Variants in SLX4IP observed in about 807,000 individuals in gnomAD.
SLX4IP encodes protein SLX4IP.
Under a neutral mutation model 32.9 loss-of-function variants are expected in SLX4IP, and 34 were observed. The ratio of observed to expected loss-of-function variants is 1.03; its 90% confidence interval spans 0.79 to 1.38. The LOEUF (loss-of-function observed/expected upper bound fraction) is 1.38. SLX4IP is among the 40% of genes most tolerant of loss of function. The pLI, the probability that SLX4IP is intolerant of heterozygous loss-of-function variation, is 0.00. For missense variants in SLX4IP, 444 were observed against 479.0 expected, an observed-to-expected ratio of 0.93 and a Z score of 0.68; for synonymous variants, 172 against 171.7, an observed-to-expected ratio of 1.00 and a Z score of -0.01.
intron 6 of SLX4IP, among the ~76,000 whole-genome samples, chr20:10,616,427 T>G (rs949458990): frequency 1.4e-5 from 2 of 138,306 alleles, no homozygotes; most frequent in Non-Finnish European, 3.2e-5. Context: ...AATAAATAAA[T>G]AAATAAAATG....
At chr20:10,538,765 G>A (rs1331369080) in intron 2 of SLX4IP, among the ~76,000 whole-genome samples, 1 of 152,156 alleles carries the variant, frequency 6.6e-6, no homozygotes, top group African/African-American at 2.4e-5. Flanking sequence ...GACCTCAAGT[G>A]ATCCACCTGC....
chr20:10,611,073 A>G (rs954089796), intron 6 of SLX4IP, among the ~76,000 whole-genome samples: 1 of 152,220 alleles, frequency 6.6e-6, no homozygotes, highest in Non-Finnish European at 1.5e-5. Context: ...TGAGGTGTCC[A>G]CTAAAGTATG....
At chr20:10,452,729 T>C (rs995424180) in intron 1 of SLX4IP, among the ~76,000 whole-genome samples, 8 of 149,506 alleles carry the variant, frequency 5.4e-5, no homozygotes, top group African/African-American at 2.0e-4. Flanking sequence ...CATGAACCTA[T>C]AATCTGAGCT....
intron 2 of SLX4IP, among the ~76,000 whole-genome samples, chr20:10,478,486 C>T (rs758398068): frequency 6.6e-5 from 10 of 152,086 alleles, no homozygotes; most frequent in African/African-American, 1.2e-4. Flanking sequence ...TGATGAAGAT[C>T]GAAACTCTAG....
At chr20:10,537,877 A>G (rs1188161937) in intron 2 of SLX4IP, among the ~76,000 whole-genome samples, 3 of 152,164 alleles carry the variant, frequency 2.0e-5, no homozygotes, top group African/African-American at 7.2e-5. Flanking sequence ...TCTGTTCACA[A>G]TTCCTGAATT....
chr20:10,475,215 G>A (rs932074909), intron 2 of SLX4IP, among the ~76,000 whole-genome samples: 2 of 152,186 alleles, frequency 1.3e-5, no homozygotes, highest in Non-Finnish European at 2.9e-5. Context: ...GTGTATTGAG[G>A]TCATGCATAG....
chr20:10,501,545 A>G (rs1447546371), intron 2 of SLX4IP, among the ~76,000 whole-genome samples: 1 of 152,240 alleles, frequency 6.6e-6, no homozygotes, highest in African/African-American at 2.4e-5. Context: ...GGAACTGCTC[A>G]TGATAAATAC....
intron 6 of SLX4IP, among the ~76,000 whole-genome samples, chr20:10,616,386 A>AAATT (rs756656585): frequency 0.03 from 3,367 of 111,118 alleles, 57 homozygotes; most frequent in Non-Finnish European, 0.042. Flanking sequence ...CCCAAAAAAA[A>AAATT]AAATGAAATA....
Position 10,521,091 on chromosome 20 carries a change from G to A in SLX4IP, c.28-35140G>A, listed in dbSNP as rs140205935. Among the ~76,000 whole-genome samples the A allele has an allele frequency of 2.0e-5, 3 of 152,274 alleles. No homozygotes were observed. The East Asian group carries it at 5.8e-4, about 29-fold the overall frequency. ...TATGACAGTATTTACTGCAGAGCCA[G>A]GCAGTGTACTCTGATTACCTTTCGT... On this transcript the variant is annotated intron_variant, in intron 2 of 7. Transcript: ENST00000334534.
intron 4 of SLX4IP, among the ~76,000 whole-genome samples, chr20:10,598,225 G>A (rs1344894701): frequency 6.6e-6 from 1 of 152,218 alleles, no homozygotes; most frequent in African/African-American, 2.4e-5. Context: ...GTTCACCCTT[G>A]CCTCTCAAGA....
intron 2 of SLX4IP, among the ~76,000 whole-genome samples, chr20:10,491,644 A>G (rs1053599840): frequency 1.3e-5 from 2 of 152,176 alleles, no homozygotes; most frequent in African/African-American, 4.8e-5. Flanking sequence ...CTCTTATTAA[A>G]TCTTTAAACT....
intron 4 of SLX4IP, among the ~76,000 whole-genome samples, chr20:10,574,735 C>T (rs1408719119): frequency 6.6e-6 from 1 of 152,110 alleles, no homozygotes; most frequent in African/African-American, 2.4e-5. Context: ...TGGAGTGGTG[C>T]AATCTCAGCT....
chr20:10,581,804 C>G (rs1042376963), intron 4 of SLX4IP, among the ~76,000 whole-genome samples: 2 of 152,052 alleles, frequency 1.3e-5, no homozygotes, highest in African/African-American at 4.8e-5. Flanking sequence ...CACCTGGAGT[C>G]CTACTTGCTT....
intron 2 of SLX4IP, among the ~76,000 whole-genome samples, chr20:10,508,768 T>A (rs570154826): frequency 6.6e-6 from 1 of 152,320 alleles, no homozygotes; most frequent in African/African-American, 2.4e-5. Flanking sequence ...CTGCTTCAGT[T>A]GCATTTCTCA....
At chr20:10,540,821 T>C (rs1398988562) in intron 2 of SLX4IP, among the ~76,000 whole-genome samples, 1 of 152,190 alleles carries the variant, frequency 6.6e-6, no homozygotes, top group African/African-American at 2.4e-5. Flanking sequence ...AAAACTCGGC[T>C]CTCACCAGCA....
At chr20:10,559,180 A>G (rs1029243737) in intron 3 of SLX4IP, among the ~76,000 whole-genome samples, 1 of 152,054 alleles carries the variant, frequency 6.6e-6, no homozygotes, top group African/African-American at 2.4e-5. Context: ...TGTGTGAACA[A>G]TGCCGAAACA....
intron 2 of SLX4IP, among the ~76,000 whole-genome samples, chr20:10,538,577 G>T (rs1856334082): frequency 6.6e-6 from 1 of 151,494 alleles, no homozygotes; most frequent in Non-Finnish European, 1.5e-5. Flanking sequence ...CCAGGCTGGA[G>T]TGCAGTGGTG....
intron 1 of SLX4IP, among the ~76,000 whole-genome samples, chr20:10,453,491 T>G (rs2065260319): frequency 6.6e-6 from 1 of 152,176 alleles, no homozygotes; most frequent in African/African-American, 2.4e-5. Context: ...TCCTCTTTCT[T>G]GCTTAGTTTC....
chr20:10,458,180 G>A lies in SLX4IP; in HGVS notation c.-25G>A, dbSNP rs187897271. Reference sequence around the variant, plus strand: ...TAACTTTTTTTTTTCTTAAAGGTCTGTAGTTACTGTGGAATCAATAAGCCA... The same window carrying A: ...TAACTTTTTTTTTTCTTAAAGGTCTATAGTTACTGTGGAATCAATAAGCCA... On this transcript the variant is annotated 5_prime_UTR_variant, in exon 2 of 8. Transcript: ENST00000334534. The A allele has an allele frequency of 6.4e-5, 101 of 1,567,340 alleles. 2 individuals carry two copies. The African/African-American group carries it at 1.1e-3, about 17-fold the overall frequency.
Sources: allele counts gnomAD v4.1 joint callset (sites outside exome capture counted in the v4.1 genomes callset), GRCh38; gene constraint gnomAD v4.1.1; transcripts MANE v1.5; gene names NCBI Gene and HGNC (gene_info 2026-07-23, HGNC 2026-07-21).